Variants in NFATC3 observed in about 807,000 individuals in gnomAD.
The protein encoded by NFATC3 is nuclear factor of activated T-cells, cytoplasmic 3.
In NFATC3, 46 loss-of-function variants were observed where a neutral mutation model predicts 98.6. The ratio of observed to expected loss-of-function variants is 0.47; its 90% CI spans 0.37 to 0.60. NFATC3 has a LOEUF of 0.60. NFATC3 is among the 20% of genes least tolerant of loss of function. The probability of loss-of-function intolerance (pLI) is 0.00; values close to 1 mark genes in which losing one functional copy is unlikely to be tolerated. For missense variants in NFATC3, 1,256 were observed against 1,295.5 expected, an observed-to-expected ratio of 0.97 and a Z score of 0.47; for synonymous variants, 512 against 472.2, an observed-to-expected ratio of 1.08 and a Z score of -1.09.
At chr16:68,165,392 CTTTTT>C (rs869025719) in intron 4 of NFATC3, among the ~76,000 whole-genome samples, 1 of 104,380 alleles carries the variant, frequency 9.6e-6, no homozygotes, top group Non-Finnish European at 2.0e-5. Context: ...TTTTCTTTTT[CTTTTT>C]TTTTTTTTTT....
chr16:68,214,390 C>A, intron 9 of NFATC3: 1 of 1,614,206 alleles, frequency 6.2e-7, no homozygotes. Context: ...GGCCTAACCA[C>A]AGTGTGCTCT....
At chr16:68,149,845 C>G (rs1353265193) in intron 3 of NFATC3, among the ~76,000 whole-genome samples, 2 of 152,096 alleles carry the variant, frequency 1.3e-5, no homozygotes, top group Non-Finnish European at 2.9e-5. Flanking sequence ...ATCATATAAA[C>G]AGCCACAAAG....
At chr16:68,214,301 A>G (rs374091859) in intron 9 of NFATC3, 39 of 1,567,606 alleles carry the variant, frequency 2.5e-5, no homozygotes, top group Non-Finnish European at 5.3e-6. Flanking sequence ...TGTTCCATTC[A>G]GTAGTGATGT....
At chr16:68,127,064 T>C (rs1177487839) in intron 3 of NFATC3, among the ~76,000 whole-genome samples, 1 of 151,808 alleles carries the variant, frequency 6.6e-6, no homozygotes, top group Non-Finnish European at 1.5e-5. Context: ...AATACAAAAA[T>C]GAGCAGGGCG....
At chr16:68,203,867 A>G (rs2041030646) in intron 9 of NFATC3, among the ~76,000 whole-genome samples, 1 of 152,248 alleles carries the variant, frequency 6.6e-6, no homozygotes, top group South Asian at 2.1e-4. Context: ...CTTAACCAAC[A>G]TGGTGAAACT....
intron 1 of NFATC3, among the ~76,000 whole-genome samples, chr16:68,087,330 A>G (rs1364650834): frequency 2.0e-5 from 3 of 152,230 alleles, no homozygotes. Context: ...TAGGAATTGT[A>G]TATACAACCA....
intron 2 of NFATC3, among the ~76,000 whole-genome samples, chr16:68,124,142 C>T (rs2036701294): frequency 6.6e-6 from 1 of 152,098 alleles, no homozygotes; most frequent in Admixed American, 6.5e-5. Flanking sequence ...CATCTTGTTG[C>T]CCAGACTGGA....
At chr16:68,112,239 C>T (rs1278927092) in intron 1 of NFATC3, among the ~76,000 whole-genome samples, 3 of 129,722 alleles carry the variant, frequency 2.3e-5, no homozygotes, top group Non-Finnish European at 4.9e-5. Flanking sequence ...CTCCCCGTCT[C>T]TTTCAGGTAC....
At chr16:68,133,437 AAAG>A (rs771699348) in intron 3 of NFATC3, among the ~76,000 whole-genome samples, 17 of 152,202 alleles carry the variant, frequency 1.1e-4, no homozygotes, top group Non-Finnish European at 2.5e-4. Flanking sequence ...TGTCAACTAA[AAAG>A]AGGAACAAAT....
At chr16:68,099,171 C>G (rs2035204142) in intron 1 of NFATC3, among the ~76,000 whole-genome samples, 1 of 152,178 alleles carries the variant, frequency 6.6e-6, no homozygotes, top group South Asian at 2.1e-4. Flanking sequence ...TGGTGGCTCA[C>G]GCCTGTAGTC....
intron 1 of NFATC3, among the ~76,000 whole-genome samples, chr16:68,114,958 AGTT>A (rs2036194183): frequency 6.6e-6 from 1 of 152,148 alleles, no homozygotes; most frequent in Non-Finnish European, 1.5e-5. Flanking sequence ...TTTTTCTACC[AGTT>A]GTTCTTGCTG....
At chr16:68,212,890 C>T (rs1274886217) in intron 9 of NFATC3, among the ~76,000 whole-genome samples, 2 of 146,352 alleles carry the variant, frequency 1.4e-5, no homozygotes, top group Admixed American at 6.9e-5. Context: ...CCCAGGTTCA[C>T]GCCATTCTTC....
intron 1 of NFATC3, among the ~76,000 whole-genome samples, chr16:68,114,919 C>T (rs970865425): frequency 2.0e-5 from 3 of 152,252 alleles, no homozygotes; most frequent in Middle Eastern, 3.4e-3. Flanking sequence ...TTGTAATTAA[C>T]CTATTAATGT....
intron 5 of NFATC3, 38 bp downstream of exon 5, chr16:68,167,053 A>G: frequency 6.4e-7 from 1 of 1,573,788 alleles, no homozygotes; most frequent in Non-Finnish European, 8.7e-7. Context: ...GATCTTGTGT[A>G]TAATAGCTTA....
intron 3 of NFATC3, among the ~76,000 whole-genome samples, chr16:68,147,986 T>G: frequency 6.6e-6 from 1 of 152,078 alleles, no homozygotes; most frequent in Non-Finnish European, 1.5e-5. Context: ...CAGTTTCCTT[T>G]TAGCTATTGA....
intron 9 of NFATC3, among the ~76,000 whole-genome samples, chr16:68,198,627 G>T (rs1291613693): frequency 6.6e-6 from 1 of 151,894 alleles, no homozygotes; most frequent in African/African-American, 2.4e-5. Flanking sequence ...TATAGATTCT[G>T]GCCAGGTGCA....
intron 1 of NFATC3, among the ~76,000 whole-genome samples, chr16:68,101,638 C>T (rs2035369357): frequency 1.3e-5 from 2 of 152,068 alleles, no homozygotes; most frequent in Non-Finnish European, 2.9e-5. Context: ...CGCCTGCCAC[C>T]ACGCCTGGCT....
Position 68,221,033 on chromosome 16 carries a change from C to T in NFATC3, c.3107-5317C>T, listed in dbSNP as rs562699507. Among the ~76,000 whole-genome samples, 4 of 152,342 alleles carry T rather than the reference C, an allele frequency of 2.6e-5. No individual in the cohort carries two copies. In the South Asian group the frequency reaches 8.3e-4, roughly 32 times the overall value. ...TAGTGTTGGGATAACAGGCATGAGC[C>T]ATGGCACCTGGCCTGGATTACAGTT... On this transcript the variant is annotated intron_variant, in intron 9 of 9. Coordinates refer to ENST00000346183, the MANE Select transcript of NFATC3 (RefSeq NM_173165.3).
intron 3 of NFATC3, among the ~76,000 whole-genome samples, chr16:68,157,491 G>A (rs57610603): frequency 0.013 from 1,998 of 152,194 alleles, 43 homozygotes; most frequent in African/African-American, 0.045. Flanking sequence ...GTCTGTTAGA[G>A]GACCTTCCTA....
Sources: gnomAD v4.1 joint callset for allele counts (sites outside exome capture counted in the v4.1 genomes callset) on GRCh38, gnomAD v4.1.1 for gene constraint, MANE v1.5 for transcripts, NCBI Gene and HGNC (gene_info 2026-07-23, HGNC 2026-07-21) for gene names.